C2orf42: variants seen among roughly 807,000 people sequenced by gnomAD.
C2orf42 encodes the protein chromosome 2 open reading frame 42.
Under a neutral mutation model 58.9 loss-of-function variants are expected in C2orf42, and 44 were observed. That is an observed-to-expected ratio of 0.75 (90% CI 0.59 to 0.96). The LOEUF (loss-of-function observed/expected upper bound fraction) is 0.96. Among genes scored for constraint, C2orf42 ranks in the 40% least tolerant of loss-of-function variants. C2orf42 has a pLI of 0.00. For missense variants in C2orf42, 630 were observed against 699.2 expected, an observed-to-expected ratio of 0.90 and a Z score of 1.12; for synonymous variants, 239 against 265.4, an observed-to-expected ratio of 0.90 and a Z score of 0.97.
chr2:70,167,193 C>T (rs1056878527), intron 6 of C2orf42, among the ~76,000 whole-genome samples: 1 of 151,354 alleles, frequency 6.6e-6, no homozygotes, highest in African/African-American at 2.4e-5. Flanking sequence ...TCCATCTCTA[C>T]TAAAAATACA....
intron 4 of C2orf42, among the ~76,000 whole-genome samples, chr2:70,177,908 C>T (rs1471832018): frequency 7.9e-5 from 12 of 152,040 alleles, no homozygotes; most frequent in African/African-American, 2.7e-4. Context: ...GGCATGGTGG[C>T]TTGTGCCTGT....
chr2:70,185,408 CA>C (rs35689231), intron 1 of C2orf42, among the ~76,000 whole-genome samples: 63,786 of 149,990 alleles, frequency 0.43, 14,227 homozygotes, highest in African/African-American at 0.55. Context: ...AATTCCGTGT[CA>C]AAAAAAAAGT....
chr2:70,167,469 G>T (rs541622831), intron 6 of C2orf42, among the ~76,000 whole-genome samples: 31 of 151,596 alleles, frequency 2.0e-4, no homozygotes, highest in African/African-American at 6.0e-4. Flanking sequence ...GACCAGGTGT[G>T]GTGGCTCACA....
chr2:70,179,617 C>T lies in C2orf42; in HGVS notation c.849G>A (p.Gln283=), dbSNP rs751863780. 50 of 1,513,334 alleles carry T rather than the reference C, an allele frequency of 3.3e-5. No individual in the cohort carries two copies. The highest frequency in any genetic ancestry group is 3.9e-5 in the Non-Finnish European group (43 of 1,089,584). 93.7% of individuals were successfully genotyped at this position (1,513,334 alleles called of 1,614,324 possible). The change falls in exon 4 of 10, where the codon CAG becomes CAA. Residue 283 remains glutamine (Q), a synonymous_variant. Transcript: ENST00000264434. ...SSGLKEIIVP[Q]LGCHSESTVS... ...CTGTTGATTCTGAATGGCAACCTAA[C>T]TGGGGTACAATAATCTCTTTAAGAC...
intron 1 of C2orf42, among the ~76,000 whole-genome samples, chr2:70,183,571 G>C (rs778399623): frequency 6.7e-6 from 1 of 149,134 alleles, no homozygotes; most frequent in Non-Finnish European, 1.5e-5. Context: ...CTGGGACTAC[G>C]GGCACATGCC....
At chr2:70,167,955 G>C (rs1673515411) in intron 6 of C2orf42, among the ~76,000 whole-genome samples, 1 of 151,504 alleles carries the variant, frequency 6.6e-6, no homozygotes, top group South Asian at 2.1e-4. Context: ...TTTCTGGGCT[G>C]GGCACGGTGG....
At position 70,150,635 on chromosome 2, in the gene C2orf42, T is replaced by C. The variant is rs1572955353; in HGVS notation, c.1517-71A>G. ...TGGGTGTTCCTAATTGCAAAAAAAG[T>C]GTCCGGAATTGGAGCAGCCTGTTCA... On this transcript the variant is annotated intron_variant, in intron 9 of 9. Coordinates refer to ENST00000264434, the MANE Select transcript of C2orf42 (RefSeq NM_017880.3). The C allele has an allele frequency of 1.3e-5, 14 of 1,102,868 alleles. No homozygotes were observed. The African/African-American group carries it at 1.4e-4, about 11-fold the overall frequency. The allele number at this position is 1,102,868 out of a possible 1,614,324, so 68.3% of individuals were successfully genotyped here. A position where few individuals can be genotyped will look rare whatever the true frequency, so the allele number is the denominator to read the frequency against.
chr2:70,160,264 C>T (rs1391240310), intron 9 of C2orf42, among the ~76,000 whole-genome samples: 2 of 151,666 alleles, frequency 1.3e-5, no homozygotes, highest in African/African-American at 2.4e-5. Flanking sequence ...CTCAGCCTCT[C>T]GAGTAGCTGG....
rs190976481 is a variant in C2orf42 at position 70,151,023 on chromosome 2, G to A, written c.1517-459C>T. Among the ~76,000 whole-genome samples the A allele has an allele frequency of 2.3e-3, 355 of 152,262 alleles. 1 individual carries two copies. Among genetic ancestry groups the A allele is most frequent in the African/African-American group, 8.2e-3 (341 of 41,556 alleles). On this transcript the variant is annotated intron_variant, in intron 9 of 9. Coordinates refer to ENST00000264434, the MANE Select transcript of C2orf42 (RefSeq NM_017880.3). Reference sequence around the variant, plus strand: ...ACTCCCAAGTGCTGGGATTACAGGCGTGAGCCACCACGCCCAGCCATCATG... The same window carrying A: ...ACTCCCAAGTGCTGGGATTACAGGCATGAGCCACCACGCCCAGCCATCATG...
In C2orf42 at chr2:70,179,515, A is replaced by G. The variant is rs1158295849; in HGVS notation, c.934+17T>C. 1.9e-6 allele frequency: 2 copies of G among 1,077,308 alleles called. No individual in the cohort carries two copies. Among genetic ancestry groups the G allele is most frequent in the Non-Finnish European group, 2.8e-6 (2 of 704,284 alleles). The allele number at this position is 1,077,308 out of a possible 1,614,324, so 66.7% of individuals were successfully genotyped here. A position where few individuals can be genotyped will look rare whatever the true frequency, so the allele number is the denominator to read the frequency against. The stretch of plus-strand genomic sequence containing the variant: ...CTCTAAAGACAATACCACCAAACCA[A>G]CCAACCAGACTCTTACCAGATACTT... On this transcript the variant is annotated intron_variant, in intron 4 of 9. Transcript: ENST00000264434.
chr2:70,166,340 T>A (rs1376980631), intron 6 of C2orf42, among the ~76,000 whole-genome samples: 2 of 143,450 alleles, frequency 1.4e-5, no homozygotes, highest in African/African-American at 5.2e-5. Context: ...GGCAACAGAG[T>A]GAGACCCTCC....
chr2:70,186,329 C>CAT (rs1228375214), intron 1 of C2orf42, among the ~76,000 whole-genome samples: 2 of 151,826 alleles, frequency 1.3e-5, no homozygotes, highest in African/African-American at 4.8e-5. Context: ...CACACACACA[C>CAT]ATATATACAA....
intron 1 of C2orf42, among the ~76,000 whole-genome samples, chr2:70,190,003 T>C (rs540262980): frequency 3.9e-5 from 6 of 152,114 alleles, no homozygotes; most frequent in Admixed American, 3.9e-4. Context: ...ACATACAATG[T>C]CTATTGCATC....
chr2:70,157,366 A>C (rs888054925), intron 9 of C2orf42, among the ~76,000 whole-genome samples: 1 of 152,152 alleles, frequency 6.6e-6, no homozygotes, highest in Non-Finnish European at 1.5e-5. Context: ...AGGCAAGAGA[A>C]TGGCGTGAAC....
At chr2:70,189,830 A>G (rs188245300) in intron 1 of C2orf42, among the ~76,000 whole-genome samples, 1 of 152,064 alleles carries the variant, frequency 6.6e-6, no homozygotes, top group African/African-American at 2.4e-5. Context: ...GTTCAAGACC[A>G]GCCTGGGCAA....
Position 70,149,985 on chromosome 2 carries a change from TTAACTTTCCAACAC to T in C2orf42, c.*357_*370del. The T allele has an allele frequency of 3.7e-6, 1 of 268,738 alleles. No individual in the cohort carries two copies. The highest frequency in any genetic ancestry group is 4.2e-5 in the South Asian group (1 of 23,742). The allele number at this position is 268,738 out of a possible 1,614,324, so 16.6% of individuals were successfully genotyped here. On this transcript the variant is annotated 3_prime_UTR_variant, in exon 10 of 10. Coordinates refer to ENST00000264434, the MANE Select transcript of C2orf42 (RefSeq NM_017880.3). ...TTAACATTCTGCCCTAACCAGGGTG[TTAACTTTCCAACAC>T]TGTTGGTGTATGGCTGAGTGCTGCA...
chr2:70,177,353 T>C (rs951193872), intron 4 of C2orf42, among the ~76,000 whole-genome samples: 3 of 151,602 alleles, frequency 2.0e-5, no homozygotes, highest in African/African-American at 7.3e-5. Context: ...GGCAGCAGAA[T>C]TGCTTGAACC....
intron 3 of C2orf42, among the ~76,000 whole-genome samples, chr2:70,180,799 C>T (rs1423322378): frequency 3.3e-5 from 5 of 149,986 alleles, no homozygotes; most frequent in Non-Finnish European, 5.9e-5. Flanking sequence ...CCCAGGAGTT[C>T]AAGACCAGCC....
intron 1 of C2orf42, among the ~76,000 whole-genome samples, chr2:70,189,645 G>A (rs966810395): frequency 1.8e-4 from 27 of 151,400 alleles, no homozygotes; most frequent in African/African-American, 6.6e-4. Flanking sequence ...TGAACCCTGG[G>A]GGGTGGAGCC....
Sources: gnomAD v4.1 joint callset for allele counts (sites outside exome capture counted in the v4.1 genomes callset) on GRCh38, gnomAD v4.1.1 for gene constraint, MANE v1.5 for transcripts, NCBI Gene and HGNC (gene_info 2026-07-23, HGNC 2026-07-21) for gene names.